Variants in CORO2B observed in about 807,000 individuals in gnomAD.
CORO2B encodes the protein coronin 2B.
Under a neutral mutation model 58.8 loss-of-function variants are expected in CORO2B, and 26 were observed. That is an observed-to-expected ratio of 0.44 (90% confidence interval 0.32 to 0.61). The LOEUF is 0.61. CORO2B is among the 20% of genes least tolerant of loss of function. The probability of loss-of-function intolerance (pLI) is 0.04; values close to 1 mark genes in which losing one functional copy is unlikely to be tolerated. For missense variants in CORO2B, 460 were observed against 645.1 expected (o/e 0.71, Z 3.11); for synonymous variants, 242 against 253.8 (o/e 0.95, Z 0.44).
intron 1 of CORO2B, among the ~76,000 whole-genome samples, chr15:68,642,730 GGA>G (rs1901294884): frequency 6.6e-6 from 1 of 152,208 alleles, no homozygotes; most frequent in Non-Finnish European, 1.5e-5. Flanking sequence ...CTCTAGACTA[GGA>G]GCCCAGGGAG....
At position 68,645,089 on chromosome 15, in the gene CORO2B, C is replaced by A; in HGVS notation, c.16-71C>A. The A allele has an allele frequency of 2.0e-6, 3 of 1,517,746 alleles. No homozygotes were observed. Among genetic ancestry groups the A allele is most frequent in the East Asian group, 2.4e-5 (1 of 42,010 alleles). 94.0% of individuals were successfully genotyped at this position (1,517,746 alleles called of 1,614,324 possible). ...ACCTCTGAGCCGCAGCTTCCCTCCCCCAAGAGCCCAGCCGAGGCCCTTCAT... is the reference window on the plus strand; with the variant it reads ...ACCTCTGAGCCGCAGCTTCCCTCCCACAAGAGCCCAGCCGAGGCCCTTCAT... On this transcript the variant is annotated intron_variant, in intron 1 of 11. Transcript: ENST00000261861. The surrounding 1 kb of genome is among the most constrained non-coding windows in gnomAD (Gnocchi z 4.5).
intron 2 of CORO2B, among the ~76,000 whole-genome samples, chr15:68,667,675 C>T (rs749555): frequency 0.21 from 31,972 of 152,194 alleles, 3,566 homozygotes; most frequent in Non-Finnish European, 0.25. Flanking sequence ...TATTCACTAC[C>T]TCCCCCTTCT....
At chr15:68,590,999 G>A (rs1419214807) in intron 1 of CORO2B, among the ~76,000 whole-genome samples, 2 of 152,198 alleles carry the variant, frequency 1.3e-5, no homozygotes, top group East Asian at 3.8e-4. Flanking sequence ...AGCCCTGTGT[G>A]CCAGGCCCTA....
the CORO2B span, among the ~76,000 whole-genome samples, chr15:68,531,934 T>C: frequency 2.0e-5 from 3 of 152,104 alleles, no homozygotes; most frequent in Admixed American, 1.3e-4. Flanking sequence ...TTACTGAATA[T>C]AGAATTCTAG....
chr15:68,668,034 G>C (rs934895932), intron 2 of CORO2B, among the ~76,000 whole-genome samples: 1 of 152,248 alleles, frequency 6.6e-6, no homozygotes. Context: ...GCCAGGGACT[G>C]TTCTAAGCTC....
intron 2 of CORO2B, among the ~76,000 whole-genome samples, chr15:68,665,759 A>C (rs1430620002): frequency 6.6e-6 from 1 of 152,136 alleles, no homozygotes; most frequent in Non-Finnish European, 1.5e-5. Flanking sequence ...CTAGAAAGCC[A>C]TAAGTTTCTG....
the CORO2B span, among the ~76,000 whole-genome samples, chr15:68,553,232 T>A: frequency 1.3e-5 from 2 of 152,172 alleles, no homozygotes; most frequent in African/African-American, 4.8e-5. Flanking sequence ...AGCAAAGGTG[T>A]CCTTGTCCTA....
intron 3 of CORO2B, among the ~76,000 whole-genome samples, chr15:68,707,178 G>A (rs562316268): frequency 3.3e-5 from 5 of 152,266 alleles, no homozygotes; most frequent in East Asian, 3.9e-4. Context: ...TACCACGCCT[G>A]TCCTCGGTAT....
intron 2 of CORO2B, among the ~76,000 whole-genome samples, chr15:68,678,491 T>C (rs1596008225): frequency 6.6e-6 from 1 of 152,194 alleles, no homozygotes; most frequent in African/African-American, 2.4e-5. Flanking sequence ...CTGGCCAACA[T>C]GGTGAAACCC....
intron 2 of CORO2B, among the ~76,000 whole-genome samples, chr15:68,672,513 TAGCAATTCTC>T (rs1174941030): frequency 1.3e-5 from 2 of 152,126 alleles, no homozygotes; most frequent in African/African-American, 4.8e-5. Context: ...TCCTGGACTC[TAGCAATTCTC>T]TTATCTCGGC....
chr15:68,538,992 A>T, the CORO2B span, among the ~76,000 whole-genome samples: 1 of 152,242 alleles, frequency 6.6e-6, no homozygotes, highest in Non-Finnish European at 1.5e-5. Flanking sequence ...CAGAACAGTA[A>T]TCACACTTTT....
chr15:68,673,257 C>T (rs558326953), intron 2 of CORO2B, among the ~76,000 whole-genome samples: 5 of 152,160 alleles, frequency 3.3e-5, no homozygotes, highest in South Asian at 2.1e-4. Flanking sequence ...AAGAGGAGGT[C>T]GGGCACAATG....
chr15:68,621,570 CT>C (rs746625589), intron 1 of CORO2B, among the ~76,000 whole-genome samples: 11 of 152,306 alleles, frequency 7.2e-5, no homozygotes, highest in Admixed American at 1.3e-4. Flanking sequence ...GTGGCTCTGT[CT>C]TCATAACTCT....
At chr15:68,606,902 A>G (rs938344907) in intron 1 of CORO2B, among the ~76,000 whole-genome samples, 2 of 152,156 alleles carry the variant, frequency 1.3e-5, no homozygotes, top group African/African-American at 4.8e-5. Context: ...GGTGCTCAAT[A>G]TATCCTCCAT....
At chr15:68,654,144 G>T (rs1901729379) in intron 2 of CORO2B, among the ~76,000 whole-genome samples, 1 of 152,220 alleles carries the variant, frequency 6.6e-6, no homozygotes. Flanking sequence ...AGCTTGCTTT[G>T]TGTTTTTCCT....
At chr15:68,663,526 A>C (rs7173475) in intron 2 of CORO2B, among the ~76,000 whole-genome samples, 148,072 of 152,290 alleles carry the variant, frequency 0.97, 72,138 homozygotes, top group Middle Eastern at 1. Context: ...TTGTAGTAGG[A>C]AGTTTTCTTA....
At chr15:68,640,511 TAA>T (rs10715792) in intron 1 of CORO2B, among the ~76,000 whole-genome samples, 390 of 146,112 alleles carry the variant, frequency 2.7e-3, no homozygotes, top group Middle Eastern at 3.6e-3. Context: ...CAATGCTATT[TAA>T]AAAAAAAAAA....
intron 1 of CORO2B, among the ~76,000 whole-genome samples, chr15:68,618,119 T>C (rs962531537): frequency 2.6e-5 from 4 of 152,070 alleles, no homozygotes; most frequent in African/African-American, 4.8e-5. Context: ...TGTGACCCAA[T>C]ACACACACAT....
intron 1 of CORO2B, among the ~76,000 whole-genome samples, chr15:68,626,206 G>A (rs1900678367): frequency 6.6e-6 from 1 of 152,156 alleles, no homozygotes; most frequent in Non-Finnish European, 1.5e-5. Flanking sequence ...TGCTTACAGG[G>A]CTCAGATGAG....
Sources: allele counts gnomAD v4.1 joint callset (sites outside exome capture counted in the v4.1 genomes callset), GRCh38; gene constraint gnomAD v4.1.1; non-coding constraint Gnocchi (gnomAD v3.1); transcripts MANE v1.5; gene names NCBI Gene and HGNC (gene_info 2026-07-23, HGNC 2026-07-21).